The following ZNF451 variants were observed in gnomAD, a reference collection of about 807,000 sequenced individuals.
ZNF451 encodes E3 SUMO-protein ligase ZNF451.
Under a neutral mutation model 107.1 loss-of-function variants are expected in ZNF451, and 80 were observed. That is an observed-to-expected ratio of 0.75 (90% CI 0.62 to 0.90). The LOEUF (loss-of-function observed/expected upper bound fraction) is 0.90. Ranked by LOEUF, ZNF451 falls within the 40% of genes least tolerant of loss-of-function variation. The pLI is 0.00. For synonymous variants in ZNF451, 362 were observed against 406.5 expected, an observed-to-expected ratio of 0.89 and a Z score of 1.32; for missense variants, 1,107 against 1,236.2, an observed-to-expected ratio of 0.90 and a Z score of 1.57.
chr6:57,101,666 G>A (rs1206786923), intron 3 of ZNF451: 7 of 1,550,546 alleles, frequency 4.5e-6, no homozygotes, highest in East Asian at 2.4e-5. Context: ...GAATTTGATC[G>A]TGGAAAAGCA....
intron 11 of ZNF451, 136 bp downstream of exon 11, chr6:57,150,998 T>C (rs1832317867): frequency 2.8e-6 from 3 of 1,054,526 alleles, no homozygotes; most frequent in Admixed American, 2.5e-5. Flanking sequence ...GTATTATAGT[T>C]ACTCTGCTAG....
intron 7 of ZNF451, among the ~76,000 whole-genome samples, chr6:57,138,704 CATATATATATATATATATATATAT>C (rs60629541): frequency 1.4e-4 from 6 of 43,756 alleles, no homozygotes; most frequent in Admixed American, 3.6e-4. Flanking sequence ...GCAGCTATGC[CATATATATATATATATATATATAT>C]ATATATATAT....
At chr6:57,162,534 C>T (rs574924788) in intron 14 of ZNF451, among the ~76,000 whole-genome samples, 215 of 152,340 alleles carry the variant, frequency 1.4e-3, no homozygotes, top group African/African-American at 4.7e-3. Flanking sequence ...TCTAGCTCAA[C>T]GCTTAGCAGC....
Position 57,125,944 on chromosome 6 carries a change from T to G in ZNF451, c.312+1085T>G, listed in dbSNP as rs542269085. On this transcript the variant is annotated intron_variant, in intron 4 of 14. Transcript: ENST00000370706. The stretch of plus-strand genomic sequence containing the variant: ...CCCCACCCCCCTAGAACTATAAGTA[T>G]GTTGTTTGATTTTTTTATGTGTCAA... Among the ~76,000 whole-genome samples the G allele has an allele frequency of 1.5e-4, 23 of 152,242 alleles. 2 individuals are homozygous for G. The South Asian group carries it at 3.3e-3, about 22-fold the overall frequency.
In ZNF451 at chr6:57,144,234, CTTTTTTTTTT is replaced by C. The variant is rs57250829; in HGVS notation, c.1004+2153_1004+2162del. On this transcript the variant is annotated intron_variant, in intron 9 of 14. Coordinates refer to ENST00000370706, the MANE Select transcript of ZNF451 (RefSeq NM_001031623.3). ...TGGTATATGAATTATGAATTATATC[CTTTTTTTTTT>C]TTTTTTTTTTTTTAAAGATAGGGTC... Among the ~76,000 whole-genome samples, 3 of 114,776 alleles carry C rather than the reference CTTTTTTTTTT, an allele frequency of 2.6e-5. No homozygotes were observed. The South Asian group carries it at 8.0e-4, about 31-fold the overall frequency. The allele number at this position is 114,776 out of a possible 152,430, so 75.3% of individuals were successfully genotyped here.
At chr6:57,164,853 T>G (rs1269710953) in intron 14 of ZNF451, 1 of 152,214 alleles carries the variant, frequency 6.6e-6, no homozygotes, top group Non-Finnish European at 1.5e-5. Context: ...AACACAGAGC[T>G]AGCCACAGAA....
intron 5 of ZNF451, 62 bp downstream of exon 5, chr6:57,128,902 C>A (rs927703133): frequency 1.6e-6 from 2 of 1,238,660 alleles, no homozygotes; most frequent in African/African-American, 3.1e-5. Flanking sequence ...GCAGAAAGTA[C>A]GTCTGTTTTA....
At chr6:57,119,122 GA>G (rs1830510436) in intron 3 of ZNF451, among the ~76,000 whole-genome samples, 1 of 152,160 alleles carries the variant, frequency 6.6e-6, no homozygotes, top group South Asian at 2.1e-4. Flanking sequence ...CCTGCTGTTT[GA>G]CTTGGCCAGT....
At chr6:57,149,123 C>G (rs1832229248) in intron 10 of ZNF451, among the ~76,000 whole-genome samples, 1 of 152,036 alleles carries the variant, frequency 6.6e-6, no homozygotes, top group Non-Finnish European at 1.5e-5. Flanking sequence ...TTTTAAAGGT[C>G]ATTTCAGCAT....
chr6:57,158,751 C>T, intron 13 of ZNF451: 3 of 985,418 alleles, frequency 3.0e-6, no homozygotes, highest in Non-Finnish European at 3.6e-6. Context: ...AAAGATGTTA[C>T]TACAAGATAA....
chr6:57,152,081 T>C, intron 11 of ZNF451, 140 bp from the exon 12 acceptor site: 1 of 637,944 alleles, frequency 1.6e-6, no homozygotes, highest in Non-Finnish European at 2.5e-6. Flanking sequence ...ATGCTTATGC[T>C]AGGATGGAGT....
intron 3 of ZNF451, chr6:57,102,898 G>A (rs145542466): frequency 1.0e-6 from 1 of 985,418 alleles, no homozygotes; most frequent in Non-Finnish European, 1.2e-6. Flanking sequence ...ATTGTTTGTT[G>A]TTATCAATCC....
At chr6:57,105,280 C>T in intron 3 of ZNF451, 1 of 984,828 alleles carries the variant, frequency 1.0e-6, no homozygotes, top group Non-Finnish European at 1.2e-6. Context: ...GATCTTGATT[C>T]TTCAAAATGT....
At chr6:57,109,306 T>TC (rs1562595788) in intron 3 of ZNF451, 1 of 984,430 alleles carries the variant, frequency 1.0e-6, no homozygotes, top group Non-Finnish European at 1.2e-6. Context: ...TACACACATT[T>TC]TTTTTTTTTA....
At chr6:57,104,986 T>C (rs1020388460) in intron 3 of ZNF451, 8 of 983,220 alleles carry the variant, frequency 8.1e-6, no homozygotes, top group Non-Finnish European at 9.7e-6. Flanking sequence ...AAAAGAAATA[T>C]CTTTAATGTG....
At chr6:57,157,822 T>A (rs1763500797) in intron 13 of ZNF451, among the ~76,000 whole-genome samples, 1 of 152,308 alleles carries the variant, frequency 6.6e-6, no homozygotes, top group East Asian at 1.9e-4. Context: ...AGCCTCATGT[T>A]TCAGAGATGC....
At chr6:57,149,720 G>GTAAAGACTTTAC (rs1832256452) in intron 10 of ZNF451, among the ~76,000 whole-genome samples, 1 of 152,086 alleles carries the variant, frequency 6.6e-6, no homozygotes, top group South Asian at 2.1e-4. Flanking sequence ...TTTAGTCATG[G>GTAAAGACTTTAC]CATGTTTTCA....
chr6:57,134,687 TG>T, intron 6 of ZNF451, 56 bp from the exon 7 acceptor site: 1 of 1,537,112 alleles, frequency 6.5e-7, no homozygotes, highest in South Asian at 1.2e-5. Context: ...GCGACATAGT[TG>T]TTTCCCTAGA....
Position 57,128,739 on chromosome 6 carries a change from A to G in ZNF451, c.323A>G (p.Asp108Gly), listed in dbSNP as rs1318022890. The change falls in exon 5 of 15, where the codon GAT becomes GGT. Residue 108 changes from aspartate (D) to glycine (G), a missense_variant. Coordinates refer to ENST00000370706, the MANE Select transcript of ZNF451 (RefSeq NM_001031623.3). ...EKNRAFREKI[D>G]FQHAHGLQEL... ...TCTTAATGTCTTCAGGAAAAAATTG[A>G]TTTTCAGCATGCTCATGGGTTACAA... 1.2e-6 allele frequency: 2 copies of G among 1,606,562 alleles called. No individual in the cohort carries two copies. Among genetic ancestry groups the G allele is most frequent in the Non-Finnish European group, 1.7e-6 (2 of 1,177,394 alleles).
Sources: gnomAD v4.1 joint callset for allele counts (sites outside exome capture counted in the v4.1 genomes callset) on GRCh38, gnomAD v4.1.1 for gene constraint, MANE v1.5 for transcripts, NCBI Gene and HGNC (gene_info 2026-07-23, HGNC 2026-07-21) for gene names.